The following ATRNL1 variants were observed in gnomAD, a reference collection of about 807,000 sequenced individuals.
The protein encoded by ATRNL1 is attractin-like protein 1.
In ATRNL1, 95 loss-of-function variants were observed where a neutral mutation model predicts 182.7. That is an observed-to-expected ratio of 0.52 (90% CI 0.44 to 0.62). ATRNL1 has a LOEUF of 0.62. Ranked by LOEUF, ATRNL1 falls within the 20% of genes least tolerant of loss-of-function variation. The pLI is 0.00. For synonymous variants in ATRNL1, 576 were observed against 568.3 expected (o/e 1.01, Z -0.19); for missense variants, 1,471 against 1,679.5 (o/e 0.88, Z 2.17).
At chr10:115,740,097 A>G (rs1200961229) in intron 27 of ATRNL1, among the ~76,000 whole-genome samples, 2 of 77,308 alleles carry the variant, frequency 2.6e-5, no homozygotes, top group East Asian at 3.9e-4. Context: ...TAAGAAACCA[A>G]TAATGTTATA....
intron 19 of ATRNL1, among the ~76,000 whole-genome samples, chr10:115,393,358 T>A (rs570119763): frequency 6.6e-6 from 1 of 152,296 alleles, no homozygotes; most frequent in African/African-American, 2.4e-5. Flanking sequence ...TACATTTGTT[T>A]GCATTTATTA....
intron 27 of ATRNL1, among the ~76,000 whole-genome samples, chr10:115,733,046 A>G (rs1555063718): frequency 1.3e-5 from 2 of 152,178 alleles, no homozygotes; most frequent in Non-Finnish European, 2.9e-5. Flanking sequence ...TTATTTTTAT[A>G]TTAGAAGTTT....
intron 17 of ATRNL1, among the ~76,000 whole-genome samples, chr10:115,305,366 G>C (rs897460032): frequency 6.6e-6 from 1 of 152,150 alleles, no homozygotes; most frequent in Admixed American, 6.6e-5. Context: ...GCATGAAGTG[G>C]AGAGGTATGC....
At chr10:115,237,363 TGA>T (rs1850231023) in intron 9 of ATRNL1, among the ~76,000 whole-genome samples, 1 of 152,184 alleles carries the variant, frequency 6.6e-6, no homozygotes, top group African/African-American at 2.4e-5. Flanking sequence ...CAGCGATGAA[TGA>T]GAGTTCCTGT....
In ATRNL1 at chr10:115,946,781, G is replaced by A. The variant is rs1479671131; in HGVS notation, c.*2002G>A. 6.6e-6 allele frequency: 1 copy of A among 151,982 alleles called. No homozygotes were observed. The highest frequency in any genetic ancestry group is 2.4e-5 in the African/African-American group (1 of 41,390). The allele number at this position is 151,982 out of a possible 1,614,324, so 9.4% of individuals were successfully genotyped here. ...GAAAAAATAAATTGATGAAACTAAT[G>A]ATTACAAAGATATAATCATTTTTTA... On this transcript the variant is annotated 3_prime_UTR_variant, in exon 29 of 29. Coordinates refer to ENST00000355044, the MANE Select transcript of ATRNL1 (RefSeq NM_207303.4).
chr10:115,945,717 A>G lies in ATRNL1; in HGVS notation c.*938A>G, dbSNP rs1953862787. 6.6e-6 allele frequency: 1 copy of G among 152,162 alleles called. No homozygotes were observed. Among genetic ancestry groups the G allele is most frequent in the Non-Finnish European group, 1.5e-5 (1 of 68,032 alleles). The allele number at this position is 152,162 out of a possible 1,614,324, so 9.4% of individuals were successfully genotyped here. ...CTTCCTCTCCTAGCTGCTAGATTTT[A>G]ACTACCTTTTACAAATGTTACAAAA... On this transcript the variant is annotated 3_prime_UTR_variant, in exon 29 of 29. Coordinates refer to ENST00000355044, the MANE Select transcript of ATRNL1 (RefSeq NM_207303.4).
chr10:115,764,984 C>G lies in ATRNL1; in HGVS notation c.3903+37629C>G, dbSNP rs192611114. 2.3e-4 allele frequency among the ~76,000 whole-genome samples: 35 copies of G among 152,246 alleles called. No homozygotes were observed. In the East Asian group the frequency reaches 6.8e-3, roughly 29 times the overall value. ...CCACCATGCCCAGCCTCCTCCATGT[C>G]TTTTTATGTCCTGATAGCTAATTTC... On this transcript the variant is annotated intron_variant, in intron 27 of 28. Coordinates refer to ENST00000355044, the MANE Select transcript of ATRNL1 (RefSeq NM_207303.4).
chr10:115,152,375 T>C (rs1484810321), intron 5 of ATRNL1, among the ~76,000 whole-genome samples: 1 of 152,210 alleles, frequency 6.6e-6, no homozygotes. Flanking sequence ...TTTGTTTGTG[T>C]CCTCTTTTAT....
intron 28 of ATRNL1, among the ~76,000 whole-genome samples, chr10:115,868,822 C>CTTTTATTTTTTTTTTTTTTT (rs1951501068): frequency 1.7e-5 from 1 of 58,084 alleles, no homozygotes. Flanking sequence ...AGTCTTTATT[C>CTTTTATTTTTTTTTTTTTTT]TTTTTTTTTT....
In ATRNL1 at chr10:115,159,399, T is replaced by C. The variant is rs368985609; in HGVS notation, c.830-641T>C. Among the ~76,000 whole-genome samples, 26 of 151,718 alleles carry C rather than the reference T, an allele frequency of 1.7e-4. No homozygotes were observed. In the East Asian group the frequency reaches 2.3e-3, roughly 14 times the overall value. On this transcript the variant is annotated intron_variant, in intron 5 of 28. Transcript: ENST00000355044. ...AATATGGAAAGGAAAAGGCTGTGTT[T>C]TCAACTTTATAGTATTTGAAATTAT...
chr10:115,179,758 AT>A (rs1847675444), intron 8 of ATRNL1, among the ~76,000 whole-genome samples: 1 of 152,086 alleles, frequency 6.6e-6, no homozygotes, highest in African/African-American at 2.4e-5. Context: ...AAGTATAAAC[AT>A]TTCAGAATAG....
intron 19 of ATRNL1, among the ~76,000 whole-genome samples, chr10:115,375,908 A>G (rs1433545274): frequency 1.3e-5 from 2 of 152,190 alleles, no homozygotes; most frequent in African/African-American, 4.8e-5. Flanking sequence ...ATTTGACTAT[A>G]GATTTACATT....
chr10:115,652,208 A>G (rs1555034532), intron 26 of ATRNL1, among the ~76,000 whole-genome samples: 1 of 151,514 alleles, frequency 6.6e-6, no homozygotes, highest in African/African-American at 2.4e-5. Flanking sequence ...CATACCTGCC[A>G]GAAATCAGTC....
At chr10:115,857,678 A>C (rs1951218823) in intron 28 of ATRNL1, among the ~76,000 whole-genome samples, 1 of 152,196 alleles carries the variant, frequency 6.6e-6, no homozygotes, top group African/African-American at 2.4e-5. Flanking sequence ...TTAATATGTA[A>C]AGGAAACAAA....
At chr10:115,462,579 T>C (rs1847866983) in intron 22 of ATRNL1, among the ~76,000 whole-genome samples, 1 of 152,102 alleles carries the variant, frequency 6.6e-6, no homozygotes, top group Non-Finnish European at 1.5e-5. Context: ...GCCACTGCAC[T>C]CCAGCCTGGC....
chr10:115,477,113 C>T lies in ATRNL1; in HGVS notation c.3654+7784C>T, dbSNP rs186601855. Among the ~76,000 whole-genome samples, 409 of 151,556 alleles carry T rather than the reference C, an allele frequency of 2.7e-3. 3 individuals carry two copies. Among genetic ancestry groups the T allele is most frequent in the African/African-American group, 9.4e-3 (390 of 41,442 alleles). On this transcript the variant is annotated intron_variant, in intron 24 of 28. Coordinates refer to ENST00000355044, the MANE Select transcript of ATRNL1 (RefSeq NM_207303.4). ...ATGCAATATAGATAGTTTATGAGTA[C>T]AATAAAAGATTTCTCCCTTATATTT...
At chr10:115,642,992 A>G (rs1295070941) in intron 26 of ATRNL1, among the ~76,000 whole-genome samples, 2 of 152,176 alleles carry the variant, frequency 1.3e-5, no homozygotes, top group African/African-American at 4.8e-5. Flanking sequence ...GCTAGTGGAT[A>G]GAGGCTAGGG....
chr10:115,734,776 C>T (rs1947900193), intron 27 of ATRNL1, among the ~76,000 whole-genome samples: 1 of 151,974 alleles, frequency 6.6e-6, no homozygotes, highest in Non-Finnish European at 1.5e-5. Flanking sequence ...CCTACCTTTG[C>T]TTTATTTTCA....
rs1554971655 is a variant in ATRNL1, at chr10:115,469,339, A to T, written c.3654+10A>T. The T allele has an allele frequency of 2.0e-6, 3 of 1,490,002 alleles. No homozygotes were observed. Among genetic ancestry groups the T allele is most frequent in the Non-Finnish European group, 2.7e-6 (3 of 1,116,268 alleles). 92.3% of individuals were successfully genotyped at this position (1,490,002 alleles called of 1,614,324 possible). A position where few individuals can be genotyped will look rare whatever the true frequency, so the allele number is the denominator to read the frequency against. The stretch of plus-strand genomic sequence containing the variant: ...GCCTATTAAAATACAGGTAAGTGTT[A>T]AGAGTATTTACTTCTAATGACCATA... On this transcript the variant is annotated intron_variant, in intron 24 of 28. Coordinates refer to ENST00000355044, the MANE Select transcript of ATRNL1 (RefSeq NM_207303.4).
Sources: gnomAD v4.1 joint callset for allele counts (sites outside exome capture counted in the v4.1 genomes callset) on GRCh38, gnomAD v4.1.1 for gene constraint, MANE v1.5 for transcripts, NCBI Gene and HGNC (gene_info 2026-07-23, HGNC 2026-07-21) for gene names.